DAB1: variants seen among roughly 807,000 people sequenced by gnomAD.
DAB1 encodes DAB adaptor protein 1.
A neutral mutation model predicts 64.6 loss-of-function variants in DAB1; 15 were observed. The observed-to-expected ratio is 0.23, with a 90% CI of 0.16 to 0.36. The LOEUF (loss-of-function observed/expected upper bound fraction) is 0.36, where lower values mean the gene tolerates loss of function less well. Ranked by LOEUF, DAB1 falls within the 10% of genes least tolerant of loss-of-function variation. The pLI is 1.00. For synonymous variants in DAB1, 235 were observed against 251.9 expected, an observed-to-expected ratio of 0.93 and a Z score of 0.64; for missense variants, 596 against 706.7, an observed-to-expected ratio of 0.84 and a Z score of 1.78.
chr1:57,664,891 T>C (rs192108214), intron 6 of DAB1, among the ~76,000 whole-genome samples: 1 of 152,020 alleles, frequency 6.6e-6, no homozygotes, highest in Non-Finnish European at 1.5e-5. Flanking sequence ...AAGAAAAAGA[T>C]GAAAGAAAAT....
intron 1 of DAB1, chr1:57,873,838 C>T (rs990087877): frequency 2.6e-5 from 4 of 152,244 alleles, no homozygotes; most frequent in African/African-American, 9.6e-5. Flanking sequence ...TATATAAATA[C>T]TGTATATAAT....
chr1:57,941,703 T>A (rs972260310), intron 5 of DAB1, among the ~76,000 whole-genome samples: 1 of 151,900 alleles, frequency 6.6e-6, no homozygotes, highest in Non-Finnish European at 1.5e-5. Flanking sequence ...GGCTTGGTGG[T>A]GGGTGCCTGT....
At chr1:57,415,662 G>A (rs1411447385) in intron 1 of DAB1, among the ~76,000 whole-genome samples, 1 of 152,096 alleles carries the variant, frequency 6.6e-6, no homozygotes, top group Non-Finnish European at 1.5e-5. Context: ...TAGCACTACT[G>A]GTTTAACCTG....
intron 6 of DAB1, among the ~76,000 whole-genome samples, chr1:57,795,692 TATATA>T (rs1481593481): frequency 5.4e-4 from 11 of 20,546 alleles, no homozygotes; most frequent in African/African-American, 1.4e-3. Context: ...TGCTTGGAGA[TATATA>T]TATATATATA....
chr1:57,805,346 G>C (rs1052091352), intron 6 of DAB1, among the ~76,000 whole-genome samples: 1 of 152,102 alleles, frequency 6.6e-6, no homozygotes, highest in African/African-American at 2.4e-5. Context: ...ATTCACCAAG[G>C]TTTCACTAAT....
intron 5 of DAB1, among the ~76,000 whole-genome samples, chr1:58,005,785 TA>T (rs1178379227): frequency 2.0e-5 from 3 of 152,106 alleles, no homozygotes; most frequent in Non-Finnish European, 2.9e-5. Flanking sequence ...TCCCATTGTT[TA>T]AAAATTAATT....
intron 4 of DAB1, among the ~76,000 whole-genome samples, chr1:57,132,011 TTC>T (rs1243041890): frequency 1.3e-5 from 2 of 152,152 alleles, no homozygotes; most frequent in African/African-American, 4.8e-5. Flanking sequence ...ATATATATCT[TTC>T]TCTTTCATAT....
chr1:57,711,350 G>T (rs888088530), intron 6 of DAB1, among the ~76,000 whole-genome samples: 1 of 152,228 alleles, frequency 6.6e-6, no homozygotes, highest in Non-Finnish European at 1.5e-5. Context: ...TGCAAAGGTG[G>T]TTTCAATCCC....
chr1:58,473,269 G>A (rs1360158572), intron 3 of DAB1, among the ~76,000 whole-genome samples: 14 of 152,154 alleles, frequency 9.2e-5, no homozygotes, highest in African/African-American at 1.4e-4. Flanking sequence ...GGGGCCGGGC[G>A]CGGTGGCTCA....
At chr1:57,941,297 C>T (rs1204640153) in intron 5 of DAB1, among the ~76,000 whole-genome samples, 2 of 152,326 alleles carry the variant, frequency 1.3e-5, no homozygotes, top group East Asian at 3.9e-4. Flanking sequence ...TTTATCTGCA[C>T]AGTAGCAGCC....
At chr1:58,466,326 G>C (rs1035077476) in intron 3 of DAB1, among the ~76,000 whole-genome samples, 1 of 152,002 alleles carries the variant, frequency 6.6e-6, no homozygotes, top group Non-Finnish European at 1.5e-5. Context: ...CTGCATCATG[G>C]ACTTGTGGCT....
At chr1:57,788,064 G>A (rs1650421424) in intron 6 of DAB1, among the ~76,000 whole-genome samples, 1 of 151,914 alleles carries the variant, frequency 6.6e-6, no homozygotes. Flanking sequence ...TACTATTGGT[G>A]GAAAGTAAAT....
chr1:57,759,674 C>A (rs906804055), intron 6 of DAB1, among the ~76,000 whole-genome samples: 1 of 152,044 alleles, frequency 6.6e-6, no homozygotes, highest in Non-Finnish European at 1.5e-5. Flanking sequence ...AATTAAATGA[C>A]CAGATTAACA....
intron 7 of DAB1, among the ~76,000 whole-genome samples, chr1:57,533,676 A>T (rs935017700): frequency 7.0e-4 from 10 of 14,318 alleles, no homozygotes; most frequent in Admixed American, 1.0e-3. Flanking sequence ...CCAAAATTAA[A>T]AAAAAAAAAA....
At chr1:58,459,932 C>T (rs190986229) in intron 3 of DAB1, among the ~76,000 whole-genome samples, 1 of 152,178 alleles carries the variant, frequency 6.6e-6, no homozygotes, top group Non-Finnish European at 1.5e-5. Flanking sequence ...GAGCTGAGAT[C>T]ATGCCACTGC....
intron 7 of DAB1, among the ~76,000 whole-genome samples, chr1:57,616,945 C>A (rs535441009): frequency 2.0e-5 from 3 of 152,122 alleles, no homozygotes; most frequent in African/African-American, 7.2e-5. Flanking sequence ...TGTGGAGGAA[C>A]CTGAGGGTAC....
intron 1 of DAB1, among the ~76,000 whole-genome samples, chr1:57,367,149 T>C (rs1680125441): frequency 6.7e-6 from 1 of 149,172 alleles, no homozygotes; most frequent in Admixed American, 6.6e-5. Context: ...GTGCCATACA[T>C]CTGTAATCCT....
chr1:58,533,510 A>G (rs984745415), intron 1 of DAB1, among the ~76,000 whole-genome samples: 1 of 152,198 alleles, frequency 6.6e-6, no homozygotes, highest in Non-Finnish European at 1.5e-5. Context: ...TACACATGAC[A>G]CATCATTCTA....
chr1:57,496,917 G>C (rs1644237267), intron 7 of DAB1, among the ~76,000 whole-genome samples: 1 of 152,120 alleles, frequency 6.6e-6, no homozygotes, highest in Non-Finnish European at 1.5e-5. Flanking sequence ...TCCTCACATG[G>C]TGATATGCCC....
Sources: gnomAD v4.1 joint callset for allele counts (sites outside exome capture counted in the v4.1 genomes callset) on GRCh38, gnomAD v4.1.1 for gene constraint, MANE v1.5 for transcripts, NCBI Gene and HGNC (gene_info 2026-07-23, HGNC 2026-07-21) for gene names.